Variants in KHDRBS2 observed in about 807,000 individuals in gnomAD.
KHDRBS2 encodes KH RNA binding domain containing, signal transduction associated 2.
Under a neutral mutation model 44.3 loss-of-function variants are expected in KHDRBS2, and 26 were observed. That is an observed-to-expected ratio of 0.59 (90% CI 0.43 to 0.81). The LOEUF (loss-of-function observed/expected upper bound fraction) is 0.81. KHDRBS2 is among the 40% of genes least tolerant of loss of function. KHDRBS2 has a pLI of 0.00. For missense variants in KHDRBS2, 476 were observed against 433.1 expected (o/e 1.10, Z -0.88); for synonymous variants, 194 against 151.1 (o/e 1.28, Z -2.08).
At chr6:62,167,054 T>G (rs1228167461) in intron 2 of KHDRBS2, among the ~76,000 whole-genome samples, 7 of 152,060 alleles carry the variant, frequency 4.6e-5, no homozygotes, top group African/African-American at 1.4e-4. Context: ...ATTTTAATGG[T>G]CCTTTTGAAG....
intron 6 of KHDRBS2, among the ~76,000 whole-genome samples, chr6:61,848,373 G>A (rs1794718743): frequency 6.8e-6 from 1 of 146,912 alleles, no homozygotes; most frequent in African/African-American, 2.5e-5. Flanking sequence ...AGGTCGCAAT[G>A]TTGCATGTCC....
intron 2 of KHDRBS2, among the ~76,000 whole-genome samples, chr6:62,092,796 A>C (rs1053299856): frequency 2.0e-5 from 3 of 152,146 alleles, no homozygotes; most frequent in African/African-American, 7.2e-5. Flanking sequence ...GAAATTCTAC[A>C]TTTAGGTTAA....
intron 2 of KHDRBS2, among the ~76,000 whole-genome samples, chr6:62,057,708 T>A (rs1288729723): frequency 6.6e-6 from 1 of 151,966 alleles, no homozygotes; most frequent in Non-Finnish European, 1.5e-5. Flanking sequence ...AACACAGCTG[T>A]GTTTTCAGTG....
At chr6:62,127,373 C>T (rs1809219937) in intron 2 of KHDRBS2, among the ~76,000 whole-genome samples, 1 of 151,994 alleles carries the variant, frequency 6.6e-6, no homozygotes, top group South Asian at 2.1e-4. Context: ...CCCTCTTAAA[C>T]ATAAGAGTGA....
intron 2 of KHDRBS2, among the ~76,000 whole-genome samples, chr6:62,131,482 C>T (rs185438782): frequency 2.6e-5 from 4 of 152,234 alleles, no homozygotes; most frequent in East Asian, 3.9e-4. Flanking sequence ...TGTACCTTCA[C>T]CAAGTCTGAA....
chr6:62,001,455 A>G (rs934476327), intron 3 of KHDRBS2, among the ~76,000 whole-genome samples: 6 of 151,922 alleles, frequency 3.9e-5, no homozygotes, highest in Non-Finnish European at 7.4e-5. Flanking sequence ...TATTGGAAAA[A>G]TGAAAAATAT....
At chr6:62,277,026 A>G (rs1477448492) in intron 1 of KHDRBS2, among the ~76,000 whole-genome samples, 2 of 152,222 alleles carry the variant, frequency 1.3e-5, no homozygotes, top group African/African-American at 2.4e-5. Context: ...CGTCTAGTAC[A>G]GTGTCTGGCA....
intron 1 of KHDRBS2, among the ~76,000 whole-genome samples, chr6:62,268,338 G>C (rs1443953257): frequency 6.6e-6 from 1 of 151,956 alleles, no homozygotes; most frequent in Non-Finnish European, 1.5e-5. Context: ...GTACATACAT[G>C]CTTACTAAAT....
chr6:61,642,382 G>A, the KHDRBS2 span, among the ~76,000 whole-genome samples: 89,590 of 151,406 alleles, frequency 0.59, 26,719 homozygotes, highest in African/African-American at 0.61. Flanking sequence ...TAGGCCAGGC[G>A]CTGTGGCTCA....
the KHDRBS2 span, among the ~76,000 whole-genome samples, chr6:61,601,548 C>T: frequency 5.3e-5 from 8 of 152,192 alleles, no homozygotes; most frequent in Middle Eastern, 6.8e-3. Context: ...AATAGGCAAA[C>T]GGTCTGAGGT....
chr6:61,829,364 G>A (rs1028539245), intron 6 of KHDRBS2, among the ~76,000 whole-genome samples: 12 of 152,018 alleles, frequency 7.9e-5, no homozygotes, highest in Non-Finnish European at 1.8e-4. Flanking sequence ...GGGTTTCACC[G>A]TGTTGCCCAG....
At chr6:62,148,364 A>T (rs542702780) in intron 2 of KHDRBS2, among the ~76,000 whole-genome samples, 1 of 152,166 alleles carries the variant, frequency 6.6e-6, no homozygotes, top group African/African-American at 2.4e-5. Flanking sequence ...GAATACTATG[A>T]ATAAAGATAG....
At chr6:61,738,531 C>T (rs1775718150) in intron 6 of KHDRBS2, among the ~76,000 whole-genome samples, 1 of 151,912 alleles carries the variant, frequency 6.6e-6, no homozygotes, top group Non-Finnish European at 1.5e-5. Flanking sequence ...ACTTAAGGCA[C>T]AATGTGAAGT....
chr6:62,148,041 T>C (rs1814316071), intron 2 of KHDRBS2, among the ~76,000 whole-genome samples: 1 of 152,042 alleles, frequency 6.6e-6, no homozygotes, highest in Non-Finnish European at 1.5e-5. Context: ...ATGGCAAATG[T>C]GTTAAGAGAT....
chr6:61,870,494 C>T (rs1798509581), intron 6 of KHDRBS2, among the ~76,000 whole-genome samples: 1 of 152,186 alleles, frequency 6.6e-6, no homozygotes, highest in Non-Finnish European at 1.5e-5. Context: ...CCCTGCCTGA[C>T]AGCTCTGAAG....
intron 7 of KHDRBS2, among the ~76,000 whole-genome samples, chr6:61,708,554 A>C (rs1373251761): frequency 6.6e-6 from 1 of 151,584 alleles, no homozygotes; most frequent in Non-Finnish European, 1.5e-5. Flanking sequence ...AAATTTTATT[A>C]CTGTATTATT....
intron 6 of KHDRBS2, among the ~76,000 whole-genome samples, chr6:61,839,668 CA>C (rs1446494237): frequency 1.3e-5 from 2 of 151,924 alleles, no homozygotes; most frequent in Non-Finnish European, 2.9e-5. Context: ...AAAAAAGATA[CA>C]AAGTGAAGAG....
chr6:61,913,647 A>G (rs1303212959), intron 4 of KHDRBS2, among the ~76,000 whole-genome samples: 1 of 152,062 alleles, frequency 6.6e-6, no homozygotes, highest in Non-Finnish European at 1.5e-5. Context: ...GGAATAAGTA[A>G]TCTTAGTTCA....
chr6:62,244,966 C>G (rs1835304026), intron 1 of KHDRBS2, among the ~76,000 whole-genome samples: 1 of 152,044 alleles, frequency 6.6e-6, no homozygotes, highest in African/African-American at 2.4e-5. Flanking sequence ...CTTGCTCACA[C>G]CAAGAAGGTA....
Sources: allele counts gnomAD v4.1 joint callset (sites outside exome capture counted in the v4.1 genomes callset), GRCh38; gene constraint gnomAD v4.1.1; transcripts MANE v1.5; gene names NCBI Gene and HGNC (gene_info 2026-07-23, HGNC 2026-07-21).